The following OPCML variants were observed in gnomAD, a reference collection of about 807,000 sequenced individuals.
OPCML encodes opioid binding protein/cell adhesion molecule like.
Under a neutral mutation model 37.8 loss-of-function variants are expected in OPCML, and 13 were observed. That is an observed-to-expected ratio of 0.34 (90% CI 0.22 to 0.55). The LOEUF is 0.55. Ranked by LOEUF, OPCML falls within the 20% of genes least tolerant of loss-of-function variation. The probability of loss-of-function intolerance (pLI) is 0.91; values close to 1 mark genes in which losing one functional copy is unlikely to be tolerated. For missense variants in OPCML, 341 were observed against 435.6 expected, an observed-to-expected ratio of 0.78 and a Z score of 1.93; for synonymous variants, 176 against 168.8, an observed-to-expected ratio of 1.04 and a Z score of -0.33.
intron 1 of OPCML, among the ~76,000 whole-genome samples, chr11:133,229,405 A>T (rs1293698601): frequency 1.3e-5 from 2 of 152,212 alleles, no homozygotes; most frequent in Admixed American, 6.5e-5. Context: ...TAATGGCTCA[A>T]AACCTGTCAG....
chr11:133,355,155 A>G (rs948581783), intron 1 of OPCML, among the ~76,000 whole-genome samples: 1 of 152,348 alleles, frequency 6.6e-6, no homozygotes, highest in South Asian at 2.1e-4. Flanking sequence ...AGAGTTCTAC[A>G]AATTTGAAGT....
At chr11:132,579,500 G>A (rs866748188) in intron 3 of OPCML, among the ~76,000 whole-genome samples, 5 of 152,176 alleles carry the variant, frequency 3.3e-5, no homozygotes, top group Admixed American at 6.5e-5. Context: ...TTATGGGCAA[G>A]TGGCAATGTA....
chr11:133,094,522 G>C (rs145015918), intron 1 of OPCML, among the ~76,000 whole-genome samples: 2 of 152,222 alleles, frequency 1.3e-5, no homozygotes, highest in African/African-American at 4.8e-5. Context: ...GTGACAAATG[G>C]TATTACTGAT....
At chr11:133,146,631 T>G (rs1479844847) in intron 1 of OPCML, among the ~76,000 whole-genome samples, 4 of 152,118 alleles carry the variant, frequency 2.6e-5, no homozygotes, top group Non-Finnish European at 5.9e-5. Context: ...CTAATTTTTC[T>G]CTATTTTTAG....
At chr11:132,883,636 A>G (rs1943302540) in intron 2 of OPCML, among the ~76,000 whole-genome samples, 1 of 152,194 alleles carries the variant, frequency 6.6e-6, no homozygotes, top group African/African-American at 2.4e-5. Flanking sequence ...TAGGAGAATG[A>G]AAAGGACAGG....
intron 2 of OPCML, among the ~76,000 whole-genome samples, chr11:132,705,463 T>G (rs1041312795): frequency 3.9e-5 from 6 of 151,900 alleles, no homozygotes; most frequent in African/African-American, 1.5e-4. Flanking sequence ...TGTGGTGTCA[T>G]GTGCCTGTAG....
intron 1 of OPCML, among the ~76,000 whole-genome samples, chr11:133,091,647 TC>T (rs1180618791): frequency 6.6e-6 from 1 of 152,124 alleles, no homozygotes; most frequent in African/African-American, 2.4e-5. Flanking sequence ...ACCCTTTATT[TC>T]CCCCTATTTC....
intron 3 of OPCML, among the ~76,000 whole-genome samples, chr11:132,597,628 G>A (rs1184856674): frequency 3.3e-5 from 5 of 152,298 alleles, no homozygotes; most frequent in Admixed American, 1.3e-4. Flanking sequence ...AAAAGCACGA[G>A]GTTTGCATAG....
intron 2 of OPCML, among the ~76,000 whole-genome samples, chr11:132,852,856 G>A (rs1323383524): frequency 1.3e-5 from 2 of 151,338 alleles, no homozygotes; most frequent in Admixed American, 1.3e-4. Flanking sequence ...GTTTTTCTAT[G>A]GCAAATTTGA....
intron 1 of OPCML, among the ~76,000 whole-genome samples, chr11:133,076,655 C>T (rs1948625335): frequency 6.6e-6 from 1 of 152,066 alleles, no homozygotes; most frequent in African/African-American, 2.4e-5. Flanking sequence ...TGAGACACCC[C>T]ACCCCCCGCA....
intron 1 of OPCML, among the ~76,000 whole-genome samples, chr11:133,031,487 ATGGATGGATGGT>A (rs1423916219): frequency 1.3e-5 from 2 of 148,820 alleles, no homozygotes; most frequent in Non-Finnish European, 3.0e-5. Context: ...AGGTGAATGG[ATGGATGGATGGT>A]TGGTTGGATG....
chr11:133,442,937 A>G (rs950684130), intron 1 of OPCML, among the ~76,000 whole-genome samples: 1 of 152,344 alleles, frequency 6.6e-6, no homozygotes, highest in East Asian at 1.9e-4. Context: ...AGAATGGGAA[A>G]ATATGGACTT....
chr11:133,353,153 C>A (rs1944179992), intron 1 of OPCML, among the ~76,000 whole-genome samples: 1 of 152,130 alleles, frequency 6.6e-6, no homozygotes, highest in East Asian at 1.9e-4. Context: ...GCCCTGTAAG[C>A]CCCTATTTTG....
chr11:132,501,302 A>G (rs2096245055), intron 4 of OPCML, among the ~76,000 whole-genome samples: 1 of 152,242 alleles, frequency 6.6e-6, no homozygotes, highest in African/African-American at 2.4e-5. Flanking sequence ...AGGCAATACC[A>G]TTCAGGACGT....
intron 1 of OPCML, among the ~76,000 whole-genome samples, chr11:133,235,852 T>C (rs143919723): frequency 6.6e-6 from 1 of 152,208 alleles, no homozygotes; most frequent in African/African-American, 2.4e-5. Context: ...AGAAGTTGAC[T>C]GCTCTTTGCC....
chr11:133,455,190 A>T (rs1946650455), intron 1 of OPCML, among the ~76,000 whole-genome samples: 1 of 152,218 alleles, frequency 6.6e-6, no homozygotes, highest in South Asian at 2.1e-4. Context: ...TCATAGATTT[A>T]AAACAATGCA....
intron 1 of OPCML, among the ~76,000 whole-genome samples, chr11:133,040,591 G>A (rs558843655): frequency 6.6e-6 from 1 of 152,300 alleles, no homozygotes; most frequent in South Asian, 2.1e-4. Context: ...TGGCTTGGAA[G>A]GAATTTGGAA....
chr11:133,311,403 C>T (rs1943064697), intron 1 of OPCML, among the ~76,000 whole-genome samples: 1 of 152,078 alleles, frequency 6.6e-6, no homozygotes, highest in Non-Finnish European at 1.5e-5. Context: ...GAGAATTTGG[C>T]CCAGACTTTC....
At chr11:133,108,273 C>CTAA (rs768495007) in intron 1 of OPCML, among the ~76,000 whole-genome samples, 35 of 152,292 alleles carry the variant, frequency 2.3e-4, no homozygotes, top group Non-Finnish European at 2.1e-4. Context: ...AGTTTTCAGT[C>CTAA]TTAGTCCTTA....
Sources: gnomAD v4.1 joint callset for allele counts (sites outside exome capture counted in the v4.1 genomes callset) on GRCh38, gnomAD v4.1.1 for gene constraint, MANE v1.5 for transcripts, NCBI Gene and HGNC (gene_info 2026-07-23, HGNC 2026-07-21) for gene names.